Variants in PLCB1 observed in about 807,000 individuals in gnomAD.
The protein encoded by PLCB1 is 1-phosphatidylinositol 4,5-bisphosphate phosphodiesterase beta-1.
A neutral mutation model predicts 161.8 loss-of-function variants in PLCB1; 46 were observed. The observed-to-expected ratio is 0.28, with a 90% CI of 0.22 to 0.36. The LOEUF (loss-of-function observed/expected upper bound fraction) is 0.36. Ranked by LOEUF, PLCB1 falls within the 10% of genes least tolerant of loss-of-function variation. PLCB1 has a pLI of 1.00. For missense variants in PLCB1, 1,016 were observed against 1,472.5 expected (o/e 0.69, Z 5.07); for synonymous variants, 517 against 503.7 (o/e 1.03, Z -0.35).
chr20:8,746,372 A>G (rs1447981727), intron 23 of PLCB1, among the ~76,000 whole-genome samples: 1 of 152,232 alleles, frequency 6.6e-6, no homozygotes. Context: ...TATCCAATAC[A>G]TTTATTAGGA....
intron 2 of PLCB1, among the ~76,000 whole-genome samples, chr20:8,280,296 T>C (rs1982808641): frequency 6.6e-6 from 1 of 150,666 alleles, no homozygotes; most frequent in Admixed American, 6.6e-5. Context: ...GGTCACACAA[T>C]TGCACTCCAA....
intron 3 of PLCB1, among the ~76,000 whole-genome samples, chr20:8,448,305 C>T (rs997129571): frequency 6.6e-5 from 10 of 152,186 alleles, no homozygotes; most frequent in African/African-American, 1.7e-4. Flanking sequence ...AAACCTGAAA[C>T]GCACATCAGT....
chr20:8,470,931 T>C (rs1982026160), intron 3 of PLCB1, among the ~76,000 whole-genome samples: 1 of 152,112 alleles, frequency 6.6e-6, no homozygotes, highest in African/African-American at 2.4e-5. Context: ...GAGTAGCTAT[T>C]GGTAGAAAGT....
In PLCB1 at chr20:8,353,085, A is replaced by T. The variant is rs78352863; in HGVS notation, c.178-18297A>T. Among the ~76,000 whole-genome samples, 1,137 of 152,168 alleles carry T rather than the reference A, an allele frequency of 7.5e-3. 16 individuals are homozygous for T. Among genetic ancestry groups the T allele is most frequent in the African/African-American group, 0.025 (1,048 of 41,526 alleles). On this transcript the variant is annotated intron_variant, in intron 2 of 31. Transcript: ENST00000338037. ...CTAGTGCCGTTCTTCAATAAAAGGA[A>T]CTAGGGCTCTTGGAGAAATGGCTGA...
intron 3 of PLCB1, among the ~76,000 whole-genome samples, chr20:8,618,836 T>C (rs1435155201): frequency 6.6e-6 from 1 of 152,218 alleles, no homozygotes; most frequent in South Asian, 2.1e-4. Context: ...TTTGAATTGT[T>C]AAGATCTTTA....
At chr20:8,794,846 A>T (rs1310737294) in intron 31 of PLCB1, among the ~76,000 whole-genome samples, 1 of 152,246 alleles carries the variant, frequency 6.6e-6, no homozygotes, top group Non-Finnish European at 1.5e-5. Flanking sequence ...TCAGCAAAAG[A>T]AATTTGAAAA....
chr20:8,652,512 A>T (rs1310370432), intron 7 of PLCB1: 1 of 152,134 alleles, frequency 6.6e-6, no homozygotes, highest in East Asian at 1.9e-4. Context: ...CAATGACTCT[A>T]GAAAATATCC....
chr20:8,698,500 A>G (rs1350291101), intron 11 of PLCB1, among the ~76,000 whole-genome samples: 1 of 152,092 alleles, frequency 6.6e-6, no homozygotes, highest in Non-Finnish European at 1.5e-5. Flanking sequence ...TATTACTGTT[A>G]ATTATTATGT....
At chr20:8,832,455 G>C (rs1986058701) in intron 31 of PLCB1, among the ~76,000 whole-genome samples, 1 of 152,218 alleles carries the variant, frequency 6.6e-6, no homozygotes, top group Non-Finnish European at 1.5e-5. Context: ...GGGTTATAGA[G>C]ACTAGCATCA....
chr20:8,234,672 A>G (rs1313609122), intron 2 of PLCB1, among the ~76,000 whole-genome samples: 2 of 152,024 alleles, frequency 1.3e-5, no homozygotes, highest in Non-Finnish European at 2.9e-5. Flanking sequence ...GAATATCCAG[A>G]TTTCTTTTTT....
At chr20:8,299,632 A>C (rs1983804264) in intron 2 of PLCB1, among the ~76,000 whole-genome samples, 1 of 152,162 alleles carries the variant, frequency 6.6e-6, no homozygotes, top group African/African-American at 2.4e-5. Flanking sequence ...CTGCAACTGA[A>C]TTCTTAATTT....
At chr20:8,356,929 TA>T (rs916397488) in intron 2 of PLCB1, among the ~76,000 whole-genome samples, 2 of 152,172 alleles carry the variant, frequency 1.3e-5, no homozygotes, top group African/African-American at 4.8e-5. Context: ...GGGCCTGAGC[TA>T]AGTGGATTTT....
chr20:8,799,330 T>C (rs901382264), intron 31 of PLCB1, among the ~76,000 whole-genome samples: 3 of 152,194 alleles, frequency 2.0e-5, no homozygotes, highest in Non-Finnish European at 4.4e-5. Context: ...GGGAATAGGA[T>C]GAGGTGGACT....
At chr20:8,621,775 A>C (rs1988192041) in intron 3 of PLCB1, among the ~76,000 whole-genome samples, 1 of 152,220 alleles carries the variant, frequency 6.6e-6, no homozygotes, top group Non-Finnish European at 1.5e-5. Context: ...GTTTACCATC[A>C]GGTGTACTTG....
At chr20:8,244,783 T>A (rs1471065379) in intron 2 of PLCB1, among the ~76,000 whole-genome samples, 3 of 151,906 alleles carry the variant, frequency 2.0e-5, no homozygotes, top group Non-Finnish European at 4.4e-5. Context: ...ATTTTCTCCT[T>A]TCCAATTCCA....
chr20:8,632,034 G>GTTTTTT (rs750797408), intron 4 of PLCB1, among the ~76,000 whole-genome samples: 2 of 81,750 alleles, frequency 2.4e-5, no homozygotes, highest in African/African-American at 4.1e-5. Flanking sequence ...GGTTTTTTTT[G>GTTTTTT]CTTTTTTTTT....
chr20:8,297,792 T>A (rs1428280631), intron 2 of PLCB1, among the ~76,000 whole-genome samples: 1 of 152,158 alleles, frequency 6.6e-6, no homozygotes. Flanking sequence ...TTTCAGTGAA[T>A]TCTGCCTGCA....
chr20:8,572,336 G>T (rs1986549172), intron 3 of PLCB1, among the ~76,000 whole-genome samples: 1 of 152,246 alleles, frequency 6.6e-6, no homozygotes, highest in South Asian at 2.1e-4. Flanking sequence ...GGAACTCTGG[G>T]TTGTTCCATC....
At chr20:8,239,996 A>G (rs936898195) in intron 2 of PLCB1, among the ~76,000 whole-genome samples, 1 of 152,086 alleles carries the variant, frequency 6.6e-6, no homozygotes, top group Non-Finnish European at 1.5e-5. Context: ...GTTATGGTTT[A>G]CAAAGCAGAC....
Sources: gnomAD v4.1 joint callset for allele counts (sites outside exome capture counted in the v4.1 genomes callset) on GRCh38, gnomAD v4.1.1 for gene constraint, MANE v1.5 for transcripts, NCBI Gene and HGNC (gene_info 2026-07-23, HGNC 2026-07-21) for gene names.